TNR: variants seen among roughly 807,000 people sequenced by gnomAD.
The protein encoded by TNR is tenascin-R.
Under a neutral mutation model 150.4 loss-of-function variants are expected in TNR, and 45 were observed. The ratio of observed to expected loss-of-function variants is 0.30; its 90% CI spans 0.24 to 0.38. The LOEUF (loss-of-function observed/expected upper bound fraction) is 0.38, where lower values mean the gene tolerates loss of function less well. TNR is among the 10% of genes least tolerant of loss of function. The pLI is 1.00. For missense variants in TNR, 1,544 were observed against 1,759.1 expected (o/e 0.88, Z 2.19); for synonymous variants, 687 against 678.4 (o/e 1.01, Z -0.20).
intron 1 of TNR, among the ~76,000 whole-genome samples, chr1:175,729,120 T>A (rs1215368807): frequency 6.6e-6 from 1 of 152,188 alleles, no homozygotes; most frequent in Non-Finnish European, 1.5e-5. Context: ...TGGCTATTTT[T>A]TATTCTCCTT....
intron 1 of TNR, among the ~76,000 whole-genome samples, chr1:175,625,126 C>A (rs1326747629): frequency 6.6e-6 from 1 of 152,208 alleles, no homozygotes; most frequent in Non-Finnish European, 1.5e-5. Flanking sequence ...AAAAAGCTCC[C>A]AAGAGCCTTG....
At chr1:175,708,900 T>C (rs932878224) in intron 1 of TNR, among the ~76,000 whole-genome samples, 1 of 152,100 alleles carries the variant, frequency 6.6e-6, no homozygotes, top group Non-Finnish European at 1.5e-5. Context: ...ATGAGCCAGC[T>C]CTGGAGGGGA....
rs142646727 is a variant in TNR, at chr1:175,737,426, T to G, written c.-165+5800A>C. On this transcript the variant is annotated intron_variant, in intron 1 of 22. Coordinates refer to ENST00000367674, the MANE Select transcript of TNR (RefSeq NM_003285.3). ...CCAAACACTTGGCCAAAGTTTATAG[T>G]AAGCACTCAGTAAGTGTTGACTAGC... Among the ~76,000 whole-genome samples, 615 of 152,338 alleles carry G rather than the reference T, an allele frequency of 4.0e-3. 3 individuals are homozygous for G. The highest frequency in any genetic ancestry group is 0.014 in the African/African-American group (583 of 41,590).
At chr1:175,570,321 A>G (rs1661812171) in intron 1 of TNR, among the ~76,000 whole-genome samples, 1 of 152,220 alleles carries the variant, frequency 6.6e-6, no homozygotes, top group East Asian at 1.9e-4. Flanking sequence ...AACTCTGATT[A>G]AAATGGTAAT....
At chr1:175,368,556 G>T (rs867886171) in intron 9 of TNR, among the ~76,000 whole-genome samples, 1 of 152,182 alleles carries the variant, frequency 6.6e-6, no homozygotes, top group Non-Finnish European at 1.5e-5. Flanking sequence ...GCCCTGTAAG[G>T]TGGTTATATT....
At chr1:175,359,139 C>CTTTTTTTTTTGT (rs1651469077) in intron 15 of TNR, among the ~76,000 whole-genome samples, 1 of 42,138 alleles carries the variant, frequency 2.4e-5, no homozygotes, top group African/African-American at 8.4e-5. Flanking sequence ...GGGATATCTT[C>CTTTTTTTTTTGT]TTTTTTTTTT....
chr1:175,666,048 A>T (rs941396603), intron 1 of TNR, among the ~76,000 whole-genome samples: 1 of 152,332 alleles, frequency 6.6e-6, no homozygotes, highest in African/African-American at 2.4e-5. Context: ...AGAAAAACTT[A>T]GTCATATATT....
At chr1:175,733,626 C>T (rs4652115) in intron 1 of TNR, among the ~76,000 whole-genome samples, 26,918 of 152,168 alleles carry the variant, frequency 0.18, 2,540 homozygotes, top group Middle Eastern at 0.25. Context: ...ATAACTCAGG[C>T]ACAGTGCCTC....
chr1:175,388,049 C>A (rs959467586), intron 7 of TNR, among the ~76,000 whole-genome samples: 4 of 152,166 alleles, frequency 2.6e-5, no homozygotes, highest in Non-Finnish European at 5.9e-5. Flanking sequence ...TTTCAGCATG[C>A]TGCACTTGGT....
In TNR at chr1:175,464,889, C is replaced by T. The variant is rs568003016; in HGVS notation, c.-63-58112G>A. Among the ~76,000 whole-genome samples, 57 of 152,210 alleles carry T rather than the reference C, an allele frequency of 3.7e-4. 1 individual carries two copies. The highest frequency in any genetic ancestry group is 4.2e-4 in the South Asian group (2 of 4,816). ...GGCTTAAGGAGTTTCACCACCAGTT[C>T]GCTGCTAGAGAGTGGGTATTGCCTG... On this transcript the variant is annotated intron_variant, in intron 2 of 22. Transcript: ENST00000367674.
rs968028510 is a variant in TNR, at chr1:175,703,855, C to T, written c.-165+39371G>A. On this transcript the variant is annotated intron_variant, in intron 1 of 22. Transcript: ENST00000367674. ...TAGGGGTATGGGCTCTGAAGTCAGG[C>T]GGAGTCTAAATCCTGGCTACCACTT... Among the ~76,000 whole-genome samples the T allele has an allele frequency of 1.1e-4, 16 of 152,258 alleles. 1 individual carries two copies. Among genetic ancestry groups the T allele is most frequent in the Admixed American group, 1.0e-3 (16 of 15,292 alleles).
At chr1:175,709,749 C>G (rs567891923) in intron 1 of TNR, among the ~76,000 whole-genome samples, 1 of 152,220 alleles carries the variant, frequency 6.6e-6, no homozygotes, top group East Asian at 1.9e-4. Context: ...TTGCTCAGCC[C>G]TTCTTGGCCT....
chr1:175,396,936 A>C (rs1653456446), intron 4 of TNR, 129 bp from the exon 5 acceptor site: 1 of 1,221,076 alleles, frequency 8.2e-7, no homozygotes, highest in Non-Finnish European at 1.1e-6. Context: ...AATGGCTTTA[A>C]GTGATTTGTA....
At chr1:175,519,615 T>C (rs1407568649) in intron 2 of TNR, among the ~76,000 whole-genome samples, 1 of 152,236 alleles carries the variant, frequency 6.6e-6, no homozygotes, top group East Asian at 1.9e-4. Context: ...ACAATAATTA[T>C]CACAGCTTCA....
chr1:175,451,233 T>TA (rs1656301798), intron 2 of TNR, among the ~76,000 whole-genome samples: 3 of 151,438 alleles, frequency 2.0e-5, no homozygotes, highest in Non-Finnish European at 4.4e-5. Flanking sequence ...TTTATTTTTT[T>TA]ATTATACTTT....
chr1:175,427,731 TTTCC>T (rs138869758), intron 2 of TNR, among the ~76,000 whole-genome samples: 28,406 of 126,414 alleles, frequency 0.22, 3,732 homozygotes, highest in African/African-American at 0.38. Flanking sequence ...CTCTCTTTCT[TTTCC>T]TTCCTTCCTT....
intron 1 of TNR, among the ~76,000 whole-genome samples, chr1:175,726,712 T>C (rs1198952423): frequency 6.6e-6 from 1 of 152,160 alleles, no homozygotes; most frequent in Admixed American, 6.5e-5. Flanking sequence ...ATATAAAATA[T>C]AAAAGAAAAA....
chr1:175,368,461 G>A (rs1348146116), intron 9 of TNR, among the ~76,000 whole-genome samples: 5 of 152,146 alleles, frequency 3.3e-5, no homozygotes, highest in African/African-American at 7.2e-5. Context: ...AAATCCTTGC[G>A]ATCATGTTGG....
intron 1 of TNR, among the ~76,000 whole-genome samples, chr1:175,548,727 G>T (rs1019554280): frequency 6.6e-6 from 1 of 151,560 alleles, no homozygotes; most frequent in Non-Finnish European, 1.5e-5. Context: ...GACAGTGAAG[G>T]TTAGAAGACA....
Sources: gnomAD v4.1 joint callset for allele counts (sites outside exome capture counted in the v4.1 genomes callset) on GRCh38, gnomAD v4.1.1 for gene constraint, MANE v1.5 for transcripts, NCBI Gene and HGNC (gene_info 2026-07-23, HGNC 2026-07-21) for gene names.